KCNK2: variants seen among roughly 807,000 people sequenced by gnomAD.
KCNK2 encodes the protein potassium two pore domain channel subfamily K member 2.
A neutral mutation model predicts 40.5 loss-of-function variants in KCNK2; 21 were observed. That is an observed-to-expected ratio of 0.52 (90% CI 0.37 to 0.75). KCNK2 has a LOEUF of 0.75. Ranked by LOEUF, KCNK2 falls within the 30% of genes least tolerant of loss-of-function variation. The pLI, the probability that KCNK2 is intolerant of heterozygous loss-of-function variation, is 0.00. For synonymous variants in KCNK2, 191 were observed against 202.2 expected (o/e 0.94, Z 0.47); for missense variants, 399 against 531.6 (o/e 0.75, Z 2.45).
chr1:215,210,599 G>T (rs1391718442), intron 6 of KCNK2, among the ~76,000 whole-genome samples: 2 of 152,048 alleles, frequency 1.3e-5, no homozygotes, highest in Non-Finnish European at 2.9e-5. Context: ...GATTGTCTAT[G>T]ATGTGTCAGG....
At chr1:215,036,757 C>T (rs1187470864) in intron 1 of KCNK2, among the ~76,000 whole-genome samples, 1 of 151,526 alleles carries the variant, frequency 6.6e-6, no homozygotes, top group African/African-American at 2.4e-5. Flanking sequence ...TTAAATTTTC[C>T]CTTGGTATTT....
intron 5 of KCNK2, among the ~76,000 whole-genome samples, chr1:215,185,527 G>C (rs748754143): frequency 5.3e-5 from 8 of 152,162 alleles, no homozygotes; most frequent in Non-Finnish European, 7.3e-5. Context: ...TAGTCCAATA[G>C]AGTACACAAA....
chr1:215,185,296 T>C (rs1664388559), intron 5 of KCNK2, among the ~76,000 whole-genome samples: 1 of 152,180 alleles, frequency 6.6e-6, no homozygotes, highest in South Asian at 2.1e-4. Flanking sequence ...TATATTTTTG[T>C]GGCTGTGTTG....
chr1:215,137,209 A>G (rs987407081), intron 3 of KCNK2, among the ~76,000 whole-genome samples: 1 of 152,216 alleles, frequency 6.6e-6, no homozygotes, highest in Admixed American at 6.5e-5. Context: ...TATTGTACCA[A>G]TGATCACTTA....
chr1:215,105,584 T>C lies in KCNK2; in HGVS notation c.357+18906T>C, dbSNP rs61818310. 9.7e-3 allele frequency among the ~76,000 whole-genome samples: 1,473 copies of C among 152,210 alleles called. 23 individuals carry two copies. The highest frequency in any genetic ancestry group is 0.061 in the South Asian group (295 of 4,818). On this transcript the variant is annotated intron_variant, in intron 2 of 6. Coordinates refer to ENST00000444842, the MANE Select transcript of KCNK2 (RefSeq NM_001017425.3). ...TTTCAATTCTTTTATTTTTAATTAT[T>C]ATTGATTTATTTATTTCAACTTTTA...
intron 1 of KCNK2, among the ~76,000 whole-genome samples, chr1:215,040,964 A>T (rs1657542471): frequency 6.6e-6 from 1 of 152,126 alleles, no homozygotes; most frequent in Non-Finnish European, 1.5e-5. Context: ...TCTGAATGAG[A>T]ACTTCAAGCA....
chr1:215,099,076 A>G (rs926455118), intron 2 of KCNK2, among the ~76,000 whole-genome samples: 1 of 151,908 alleles, frequency 6.6e-6, no homozygotes, highest in African/African-American at 2.4e-5. Context: ...GTGAACTTAC[A>G]TCATGGGTGT....
chr1:215,086,598 A>T lies in KCNK2; in HGVS notation c.277A>T (p.Thr93Ser). ...LEQPHEISQR[T>S]TIVIQKQTFI... ...GCAGCCTCATGAGATTTCACAGAGGACCACCATTGTGATCCAGAAGCAAAC... is the reference window on the plus strand; with the variant it reads ...GCAGCCTCATGAGATTTCACAGAGGTCCACCATTGTGATCCAGAAGCAAAC... The change falls in exon 2 of 7, where the codon ACC becomes TCC. Residue 93 changes from threonine (T) to serine (S), a missense_variant. This residue lies in a region of KCNK2 where 279 missense variants were observed against 353.8 expected (regional missense o/e 0.79). Coordinates refer to ENST00000444842, the MANE Select transcript of KCNK2 (RefSeq NM_001017425.3). 1 of 1,614,142 alleles carries T rather than the reference A, an allele frequency of 6.2e-7. No homozygotes were observed. Among genetic ancestry groups the T allele is most frequent in the Non-Finnish European group, 8.5e-7 (1 of 1,179,966 alleles).
At chr1:215,027,089 C>T (rs1657026400) in intron 1 of KCNK2, among the ~76,000 whole-genome samples, 1 of 151,822 alleles carries the variant, frequency 6.6e-6, no homozygotes, top group Non-Finnish European at 1.5e-5. Flanking sequence ...GTCTGCTTAC[C>T]TTGTTTATAC....
At chr1:215,042,726 A>G (rs1030432260) in intron 1 of KCNK2, among the ~76,000 whole-genome samples, 17 of 152,118 alleles carry the variant, frequency 1.1e-4, no homozygotes, top group Admixed American at 1.1e-3. Context: ...CCTGCCTCTC[A>G]TTTTATAAAC....
chr1:215,028,300 G>A (rs191128899), intron 1 of KCNK2, among the ~76,000 whole-genome samples: 5 of 152,054 alleles, frequency 3.3e-5, no homozygotes, highest in East Asian at 3.9e-4. Flanking sequence ...CAGGAGAATC[G>A]CTTGAACCCA....
At chr1:215,222,511 T>C (rs10864163) in intron 6 of KCNK2, among the ~76,000 whole-genome samples, 37,877 of 152,066 alleles carry the variant, frequency 0.25, 5,843 homozygotes, top group African/African-American at 0.43. Flanking sequence ...TTTAGTGTTA[T>C]TTTTCTTGAC....
At chr1:215,087,635 T>C (rs1182245309) in intron 2 of KCNK2, among the ~76,000 whole-genome samples, 1 of 152,240 alleles carries the variant, frequency 6.6e-6, no homozygotes, top group East Asian at 1.9e-4. Context: ...CCACTTTTCT[T>C]ACCTGATTTA....
intron 6 of KCNK2, among the ~76,000 whole-genome samples, chr1:215,203,217 T>G (rs1652912623): frequency 6.6e-6 from 1 of 152,206 alleles, no homozygotes; most frequent in Non-Finnish European, 1.5e-5. Context: ...TTCTTTCAAG[T>G]GAAAAGAAAT....
chr1:215,177,722 G>GTATATATATATATATATATGTGTA (rs1553270861), intron 5 of KCNK2, among the ~76,000 whole-genome samples: 22 of 116,248 alleles, frequency 1.9e-4, no homozygotes, highest in African/African-American at 7.0e-4. Context: ...ATATATATGT[G>GTATATATATATATATATATGTGTA]TATATATATA....
chr1:215,159,513 A>G (rs1160046029), intron 3 of KCNK2, among the ~76,000 whole-genome samples: 1 of 152,058 alleles, frequency 6.6e-6, no homozygotes, highest in Non-Finnish European at 1.5e-5. Flanking sequence ...GGTTTTTTCT[A>G]CTACCTAAAA....
intron 5 of KCNK2, among the ~76,000 whole-genome samples, chr1:215,177,942 C>T (rs1664056884): frequency 6.6e-6 from 1 of 151,106 alleles, no homozygotes; most frequent in South Asian, 2.1e-4. Context: ...ATAGAAATAG[C>T]GTTGAGTCTA....
chr1:215,103,982 A>G (rs1660328857), intron 2 of KCNK2, among the ~76,000 whole-genome samples: 1 of 152,094 alleles, frequency 6.6e-6, no homozygotes, highest in Admixed American at 6.6e-5. Context: ...TATATAGGCC[A>G]AACTGGGATG....
At chr1:215,130,986 G>A (rs969202610) in intron 3 of KCNK2, among the ~76,000 whole-genome samples, 1 of 150,902 alleles carries the variant, frequency 6.6e-6, no homozygotes, top group East Asian at 1.9e-4. Context: ...TCAGCCTCCC[G>A]AGTAGCTGGG....
Sources: allele counts gnomAD v4.1 joint callset (sites outside exome capture counted in the v4.1 genomes callset), GRCh38; gene constraint gnomAD v4.1.1; regional missense constraint gnomAD v4.1.1; transcripts MANE v1.5; gene names NCBI Gene and HGNC (gene_info 2026-07-23, HGNC 2026-07-21).